Variants in CNTNAP2 observed in about 807,000 individuals in gnomAD.
CNTNAP2 encodes contactin associated protein 2.
In CNTNAP2, 98 loss-of-function variants were observed where a neutral mutation model predicts 155.2. That is an observed-to-expected ratio of 0.63 (90% CI 0.54 to 0.75). CNTNAP2 has a LOEUF of 0.75. Ranked by LOEUF, CNTNAP2 falls within the 30% of genes least tolerant of loss-of-function variation. CNTNAP2 has a pLI of 0.00. For missense variants in CNTNAP2, 1,727 were observed against 1,688.1 expected (o/e 1.02, Z -0.40); for synonymous variants, 651 against 631.2 (o/e 1.03, Z -0.47).
At chr7:147,414,306 C>A (rs1797151373) in intron 10 of CNTNAP2, among the ~76,000 whole-genome samples, 1 of 151,788 alleles carries the variant, frequency 6.6e-6, no homozygotes, top group Non-Finnish European at 1.5e-5. Flanking sequence ...TGACTGTGAT[C>A]CCAGCTACTC....
intron 1 of CNTNAP2, among the ~76,000 whole-genome samples, chr7:146,397,752 A>G (rs2129107600): frequency 6.6e-6 from 1 of 152,326 alleles, no homozygotes; most frequent in African/African-American, 2.4e-5. Context: ...AGTAGGAATA[A>G]TCCATTGTTA....
intron 1 of CNTNAP2, among the ~76,000 whole-genome samples, chr7:146,575,429 A>T (rs1041525488): frequency 7.2e-5 from 11 of 152,168 alleles, no homozygotes; most frequent in Admixed American, 1.3e-4. Flanking sequence ...GGAATTTTTT[A>T]AAAAGCTAAC....
rs543290501 is a variant in CNTNAP2 at position 146,605,161 on chromosome 7, C to T, written c.98-169110C>T. ...CTGTTTTTTAATAATTATTTTATATCCTTTCTAAACTGAAAGTTCCATGGA... is the reference window on the plus strand; with the variant it reads ...CTGTTTTTTAATAATTATTTTATATTCTTTCTAAACTGAAAGTTCCATGGA... On this transcript the variant is annotated intron_variant, in intron 1 of 23. Coordinates refer to ENST00000361727, the MANE Select transcript of CNTNAP2 (RefSeq NM_014141.6). Among the ~76,000 whole-genome samples the T allele has an allele frequency of 7.0e-4, 105 of 149,370 alleles. 2 individuals carry two copies. Among genetic ancestry groups the T allele is most frequent in the Admixed American group, 1.4e-3 (21 of 15,020 alleles).
chr7:147,097,766 A>G lies in CNTNAP2; in HGVS notation c.551-10381A>G, dbSNP rs951029839. On this transcript the variant is annotated intron_variant, in intron 4 of 23. Transcript: ENST00000361727. ...ATTTTGGATAGCTAAAGAAGTAACA[A>G]ACTAAGATTCTGTGTAAAAATTAAG... Among the ~76,000 whole-genome samples the G allele has an allele frequency of 3.9e-5, 6 of 152,326 alleles. No individual in the cohort carries two copies. The South Asian group carries it at 1.2e-3, about 32-fold the overall frequency.
chr7:147,046,809 C>G (rs1350052105), intron 4 of CNTNAP2, among the ~76,000 whole-genome samples: 1 of 151,952 alleles, frequency 6.6e-6, no homozygotes. Context: ...GAGGGCGGAT[C>G]ACGAGGTCAG....
chr7:148,017,491 A>G (rs544580622), intron 15 of CNTNAP2, among the ~76,000 whole-genome samples: 1 of 152,362 alleles, frequency 6.6e-6, no homozygotes, highest in Admixed American at 6.5e-5. Flanking sequence ...CCAAAAGAAT[A>G]CTAATAATGT....
At chr7:148,235,469 C>A (rs1210412657) in intron 20 of CNTNAP2, among the ~76,000 whole-genome samples, 1 of 152,144 alleles carries the variant, frequency 6.6e-6, no homozygotes, top group Non-Finnish European at 1.5e-5. Context: ...TGGTCTCCAG[C>A]AGTGATGAAA....
intron 13 of CNTNAP2, among the ~76,000 whole-genome samples, chr7:147,818,635 A>G (rs1584972166): frequency 6.6e-6 from 1 of 152,172 alleles, no homozygotes; most frequent in South Asian, 2.1e-4. Context: ...CCCTATCTCT[A>G]TTTTAAAAAA....
At chr7:147,716,562 A>G (rs1184827738) in intron 13 of CNTNAP2, among the ~76,000 whole-genome samples, 2 of 152,062 alleles carry the variant, frequency 1.3e-5, no homozygotes, top group East Asian at 1.9e-4. Context: ...CTTTCTGTAC[A>G]TGTGCTAACC....
chr7:146,351,458 C>T (rs1371666421), intron 1 of CNTNAP2, among the ~76,000 whole-genome samples: 2 of 152,054 alleles, frequency 1.3e-5, no homozygotes, highest in African/African-American at 4.8e-5. Flanking sequence ...AGCAAAAATG[C>T]TTCATGTTGT....
At chr7:148,412,718 T>G (rs1799871473) in intron 23 of CNTNAP2, among the ~76,000 whole-genome samples, 1 of 152,218 alleles carries the variant, frequency 6.6e-6, no homozygotes, top group Non-Finnish European at 1.5e-5. Context: ...GGTAGGATTT[T>G]CAGTACAAAA....
At chr7:147,213,783 G>A (rs1425254954) in intron 8 of CNTNAP2, among the ~76,000 whole-genome samples, 1 of 152,070 alleles carries the variant, frequency 6.6e-6, no homozygotes, top group African/African-American at 2.4e-5. Flanking sequence ...AGGAACTAGG[G>A]AAACCTATGA....
chr7:147,925,361 G>T (rs768197743), intron 14 of CNTNAP2, among the ~76,000 whole-genome samples: 1 of 150,904 alleles, frequency 6.6e-6, no homozygotes, highest in Non-Finnish European at 1.5e-5. Context: ...TCAACACAGG[G>T]TAGTATATTT....
chr7:147,463,240 C>T (rs949610049), intron 10 of CNTNAP2, among the ~76,000 whole-genome samples: 4 of 152,170 alleles, frequency 2.6e-5, no homozygotes, highest in African/African-American at 9.7e-5. Context: ...CTTTGGAAAG[C>T]TGTTTAATAT....
intron 8 of CNTNAP2, among the ~76,000 whole-genome samples, chr7:147,157,746 C>T (rs748526806): frequency 6.6e-6 from 1 of 152,082 alleles, no homozygotes; most frequent in African/African-American, 2.4e-5. Flanking sequence ...GCTTAATGCA[C>T]TTGGCTAGAT....
chr7:147,786,062 C>T (rs1045593447), intron 13 of CNTNAP2, among the ~76,000 whole-genome samples: 39 of 151,812 alleles, frequency 2.6e-4, no homozygotes, highest in Non-Finnish European at 4.4e-4. Flanking sequence ...AAGGCTGAGG[C>T]GGGTGGATCA....
intron 8 of CNTNAP2, among the ~76,000 whole-genome samples, chr7:147,253,604 A>T (rs995754216): frequency 4.6e-5 from 7 of 152,156 alleles, no homozygotes; most frequent in African/African-American, 1.7e-4. Flanking sequence ...GTACATAATG[A>T]TAACTAGGAA....
At chr7:147,034,211 C>T (rs1799101356) in intron 3 of CNTNAP2, among the ~76,000 whole-genome samples, 1 of 152,144 alleles carries the variant, frequency 6.6e-6, no homozygotes, top group African/African-American at 2.4e-5. Context: ...TTTTAGCAAG[C>T]TAATGAAATA....
chr7:146,777,615 G>C (rs1283906461), intron 2 of CNTNAP2, among the ~76,000 whole-genome samples: 1 of 151,540 alleles, frequency 6.6e-6, no homozygotes, highest in Non-Finnish European at 1.5e-5. Context: ...CTGGGCTGGA[G>C]TGCAGTGGCA....
Sources: gnomAD v4.1 joint callset for allele counts (sites outside exome capture counted in the v4.1 genomes callset) on GRCh38, gnomAD v4.1.1 for gene constraint, MANE v1.5 for transcripts, NCBI Gene and HGNC (gene_info 2026-07-23, HGNC 2026-07-21) for gene names.